The following BPNT1 variants were observed in gnomAD, a reference collection of about 807,000 sequenced individuals.
BPNT1 encodes 3'(2'), 5'-bisphosphate nucleotidase 1.
In BPNT1, 28 loss-of-function variants were observed where a neutral mutation model predicts 36.9. The ratio of observed to expected loss-of-function variants is 0.76; its 90% CI spans 0.56 to 1.04. BPNT1 has a LOEUF of 1.04. Among genes scored for constraint, BPNT1 ranks in the 50% least tolerant of loss-of-function variants. The pLI is 0.00. For missense variants in BPNT1, 313 were observed against 372.9 expected, an observed-to-expected ratio of 0.84 and a Z score of 1.32; for synonymous variants, 119 against 130.9, an observed-to-expected ratio of 0.91 and a Z score of 0.62.
intron 2 of BPNT1, among the ~76,000 whole-genome samples, chr1:220,078,382 GAAT>G (rs1664763586): frequency 7.3e-6 from 1 of 137,444 alleles, no homozygotes; most frequent in South Asian, 2.2e-4. Context: ...TAATTATATA[GAAT>G]TATTATAATT....
At chr1:220,066,449 C>G (rs1217410158) in intron 6 of BPNT1, among the ~76,000 whole-genome samples, 1 of 152,064 alleles carries the variant, frequency 6.6e-6, no homozygotes, top group African/African-American at 2.4e-5. Flanking sequence ...ATCATACAAA[C>G]AGCAGGAAAA....
intron 2 of BPNT1, 24 bp downstream of exon 2, chr1:220,079,703 G>A: frequency 6.2e-7 from 1 of 1,613,160 alleles, no homozygotes; most frequent in Non-Finnish European, 8.5e-7. Flanking sequence ...AAGTTGGTAT[G>A]AAATGATATG....
chr1:220,057,682 A>G lies in BPNT1; in HGVS notation c.*1162T>C, dbSNP rs532212835. On this transcript the variant is annotated 3_prime_UTR_variant, in exon 9 of 9. Coordinates refer to ENST00000322067, the MANE Select transcript of BPNT1 (RefSeq NM_006085.6). ...AACTAATCCCCAAAGTCGAGAATGT[A>G]TAATTTTCAAACACTTTTTTAAAAA... 7.2e-6 allele frequency: 3 copies of G among 416,482 alleles called. No homozygotes were observed. Among genetic ancestry groups the G allele is most frequent in the African/African-American group, 6.3e-5 (3 of 47,592 alleles). The allele number at this position is 416,482 out of a possible 1,614,324, so 25.8% of individuals were successfully genotyped here.
chr1:220,069,576 T>C (rs563960145), intron 4 of BPNT1, 144 bp from the exon 5 acceptor site: 58 of 567,326 alleles, frequency 1.0e-4, no homozygotes, highest in Non-Finnish European at 1.4e-4. Flanking sequence ...TGTTTTGAGA[T>C]AGTACAAAAA....
chr1:220,064,640 A>G (rs945575158), intron 6 of BPNT1, among the ~76,000 whole-genome samples: 7 of 152,060 alleles, frequency 4.6e-5, no homozygotes, highest in African/African-American at 1.7e-4. Flanking sequence ...CCTAGGTGAG[A>G]CAGCTCTCCA....
rs1662682751 is a variant in BPNT1, at chr1:220,058,037, C to T, written c.*807G>A. 5 of 568,444 alleles carry T rather than the reference C, an allele frequency of 8.8e-6. No homozygotes were observed. Among genetic ancestry groups the T allele is most frequent in the South Asian group, 8.4e-5 (3 of 35,802 alleles). The allele number at this position is 568,444 out of a possible 1,614,324, so 35.2% of individuals were successfully genotyped here. On this transcript the variant is annotated 3_prime_UTR_variant, in exon 9 of 9. Coordinates refer to ENST00000322067, the MANE Select transcript of BPNT1 (RefSeq NM_006085.6). ...CTAAAAATACAAAAAATTAGCCAGG[C>T]GTGGTGGCGGTGCCTGCAGTCCCAG...
At chr1:220,071,519 A>C (rs1371164434) in intron 4 of BPNT1, among the ~76,000 whole-genome samples, 1 of 152,172 alleles carries the variant, frequency 6.6e-6, no homozygotes, top group Non-Finnish European at 1.5e-5. Context: ...TCCAGGCTGT[A>C]AGGTACATGT....
rs1664320044 is a variant in BPNT1, at chr1:220,074,000, C to T, written c.192G>A (p.Arg64=). 2 of 1,614,080 alleles carry T rather than the reference C, an allele frequency of 1.2e-6. No individual in the cohort carries two copies. Among genetic ancestry groups the T allele is most frequent in the Non-Finnish European group, 1.7e-6 (2 of 1,180,016 alleles). ...CTATAATTGTGAGTTTGGGGAATTTCCGGGCCAATGAAGAACATATGCTCA... is the reference window on the plus strand; with the variant it reads ...CTATAATTGTGAGTTTGGGGAATTTTCGGGCCAATGAAGAACATATGCTCA... The part of the protein sequence containing the change: ...AQMSICSSLA[R]KFPKLTIIGE... The change falls in exon 3 of 9, where the codon CGG becomes CGA. Residue 64 remains arginine, a synonymous_variant. Transcript: ENST00000322067.
At position 220,058,513 on chromosome 1, in the gene BPNT1, T is replaced by C; in HGVS notation, c.*331A>G. The C allele has an allele frequency of 1.0e-6, 1 of 995,296 alleles. No individual in the cohort carries two copies. The highest frequency in any genetic ancestry group is 1.2e-6 in the Non-Finnish European group (1 of 832,814). 61.7% of individuals were successfully genotyped at this position (995,296 alleles called of 1,614,324 possible). ...TTCTCCTAGCTAAGTAAATGAAACTTTAAGTACTTTTTGGGTTTTTGTTTT... is the reference window on the plus strand; with the variant it reads ...TTCTCCTAGCTAAGTAAATGAAACTCTAAGTACTTTTTGGGTTTTTGTTTT... On this transcript the variant is annotated 3_prime_UTR_variant, in exon 9 of 9. Coordinates refer to ENST00000322067, the MANE Select transcript of BPNT1 (RefSeq NM_006085.6).
chr1:220,067,969 A>C (rs2102667104), intron 5 of BPNT1, among the ~76,000 whole-genome samples: 1 of 152,318 alleles, frequency 6.6e-6, no homozygotes, highest in South Asian at 2.1e-4. Flanking sequence ...TCCTTATTTC[A>C]CAATGGGTTC....
At chr1:220,073,829 T>C in intron 3 of BPNT1, 138 bp downstream of exon 3, 1 of 819,180 alleles carries the variant, frequency 1.2e-6, no homozygotes, top group Admixed American at 2.5e-5. Flanking sequence ...GTCCAAGGAA[T>C]ACAATAATTA....
chr1:220,074,882 A>T (rs770731924), intron 2 of BPNT1, among the ~76,000 whole-genome samples: 2 of 152,164 alleles, frequency 1.3e-5, no homozygotes, highest in Non-Finnish European at 2.9e-5. Context: ...ACCCTCACTC[A>T]ATCAATATGT....
chr1:220,079,823 C>A lies in BPNT1; in HGVS notation c.24G>T (p.Leu8Phe). Reference protein sequence around the residue: MASSNTVLMRLVASAYSI... With the variant: MASSNTVFMRLVASAYSI... Reference sequence around the variant, plus strand: ...AATATGCGGAGGCTACCAACCGCATCAACACAGTGTTACTGGAAGCCATGG... The same window carrying A: ...AATATGCGGAGGCTACCAACCGCATAAACACAGTGTTACTGGAAGCCATGG... The change falls in exon 2 of 9, where the codon TTG (leucine) becomes TTT (phenylalanine). Residue 8 changes from leucine (L) to phenylalanine (F), a missense_variant. Transcript: ENST00000322067. The A allele has an allele frequency of 6.2e-7, 1 of 1,613,994 alleles. No individual in the cohort carries two copies. The highest frequency in any genetic ancestry group is 1.1e-5 in the South Asian group (1 of 91,070).
intron 1 of BPNT1, among the ~76,000 whole-genome samples, chr1:220,081,212 C>T (rs1033760484): frequency 1.3e-4 from 20 of 152,252 alleles, no homozygotes; most frequent in South Asian, 6.2e-4. Flanking sequence ...GGATTACAGG[C>T]GTGAGCCACT....
At chr1:220,070,045 G>A (rs890924280) in intron 4 of BPNT1, among the ~76,000 whole-genome samples, 2 of 152,112 alleles carry the variant, frequency 1.3e-5, no homozygotes, top group Admixed American at 6.6e-5. Flanking sequence ...TCTAGATCAT[G>A]GTACAGGAAA....
rs749879876 is a variant in BPNT1, at chr1:220,059,812, A to C, written c.673-21T>G. ...ATAATCTGTAAGGGTAAAAATAAGAATTATCCTTTGATAATAGAAAGAATA... is the reference window on the plus strand; with the variant it reads ...ATAATCTGTAAGGGTAAAAATAAGACTTATCCTTTGATAATAGAAAGAATA... On this transcript the variant is annotated intron_variant, in intron 7 of 8. Transcript: ENST00000322067. 1.4e-5 allele frequency: 21 copies of C among 1,509,414 alleles called. No homozygotes were observed. The South Asian group carries it at 2.6e-4, about 18-fold the overall frequency. 93.5% of individuals were successfully genotyped at this position (1,509,414 alleles called of 1,614,324 possible).
intron 6 of BPNT1, among the ~76,000 whole-genome samples, chr1:220,064,594 T>C (rs992381944): frequency 6.6e-6 from 1 of 152,082 alleles, no homozygotes; most frequent in Non-Finnish European, 1.5e-5. Flanking sequence ...CAATAATCAG[T>C]CACTGGAAAT....
At position 220,059,720 on chromosome 1, in the gene BPNT1, AG is replaced by A; in HGVS notation, c.743del (p.Thr248IlefsTer15). 1 of 1,611,440 alleles carries A rather than the reference AG, an allele frequency of 6.2e-7. No individual in the cohort carries two copies. The highest frequency in any genetic ancestry group is 8.5e-7 in the Non-Finnish European group (1 of 1,179,246). On this transcript the variant is annotated frameshift_variant, in exon 8 of 9. Transcript: ENST00000322067. LOFTEE classifies it high-confidence loss of function. ...CATGTAAAATAACTTCTGGAGCACA[AG>A]TATCCCACTTCTTACAACCAGGACT... ...FASPGCKKWD[T>X]CAPEVILHAV...
chr1:220,079,934 A>T, intron 1 of BPNT1, 80 bp from the exon 2 acceptor site: 1 of 1,398,678 alleles, frequency 7.1e-7, no homozygotes. Flanking sequence ...AACTCAACAC[A>T]TATTAATTGA....
Sources: allele counts gnomAD v4.1 joint callset (sites outside exome capture counted in the v4.1 genomes callset), GRCh38; gene constraint gnomAD v4.1.1; transcripts MANE v1.5; gene names NCBI Gene and HGNC (gene_info 2026-07-23, HGNC 2026-07-21).